The following MRO variants were observed in gnomAD, a reference collection of about 807,000 sequenced individuals.
MRO encodes the protein maestro.
Under a neutral mutation model 31.0 loss-of-function variants are expected in MRO, and 28 were observed. The ratio of observed to expected loss-of-function variants is 0.90; its 90% CI spans 0.67 to 1.24. MRO has a LOEUF of 1.24. MRO is among the 50% of genes most tolerant of loss of function. The pLI is 0.00. For synonymous variants in MRO, 108 were observed against 108.4 expected (o/e 1.00, Z 0.02); for missense variants, 332 against 289.2 (o/e 1.15, Z -1.07).
intron 2 of MRO, chr18:50,815,331 G>A (rs192387361): frequency 7.1e-5 from 19 of 268,838 alleles, no homozygotes; most frequent in South Asian, 5.0e-4. Flanking sequence ...AATTTTTGCC[G>A]TGGTGGGAAC....
At chr18:50,819,786 T>A in intron 1 of MRO, 84 bp from the exon 2 acceptor site, 4 of 1,544,958 alleles carry the variant, frequency 2.6e-6, no homozygotes, top group Non-Finnish European at 3.5e-6. Context: ...AAAGTGAGAA[T>A]CAAATAAGAG....
chr18:50,814,566 C>G (rs886342238), intron 2 of MRO: 1 of 208,054 alleles, frequency 4.8e-6, no homozygotes, highest in Admixed American at 4.2e-5. Flanking sequence ...TTGTGACTTA[C>G]GCTCATGCAG....
rs1913787598 is a variant in MRO at position 50,805,156 on chromosome 18, C to T, written c.427G>A (p.Asp143Asn). Residue 143 changes from aspartate to asparagine, a missense_variant and splice_region_variant, in exon 5 of 8, where the codon GAC (aspartate) becomes AAC (asparagine). Coordinates refer to ENST00000398439, the MANE Select transcript of MRO (RefSeq NM_031939.6). Reference sequence around the variant, plus strand: ...CAGAATTTTTCTGATTTACTTACGTCATCTAATAAAGTCCTGGTCTGAAGG... The same window carrying T: ...CAGAATTTTTCTGATTTACTTACGTTATCTAATAAAGTCCTGGTCTGAAGG... ...ITLQTRTLLD[D>N]ENDSLRYSAF... The T allele has an allele frequency of 1.2e-6, 2 of 1,609,010 alleles. No individual in the cohort carries two copies. Among genetic ancestry groups the T allele is most frequent in the Non-Finnish European group, 8.5e-7 (1 of 1,175,930 alleles).
In MRO at chr18:50,818,228, C is replaced by G. The variant is rs73434444; in HGVS notation, c.-5+1353G>C. Among the ~76,000 whole-genome samples the G allele has an allele frequency of 6.2e-3, 947 of 152,280 alleles. 17 individuals are homozygous for G. Among genetic ancestry groups the G allele is most frequent in the African/African-American group, 0.021 (887 of 41,552 alleles). ...CCCTCTCACCCGTAAGACAGGCATT[C>G]TTTCCTAGGAGAATTACATTTTCTG... On this transcript the variant is annotated intron_variant, in intron 2 of 7. Coordinates refer to ENST00000398439, the MANE Select transcript of MRO (RefSeq NM_031939.6).
upstream of MRO, chr18:50,824,138 T>C (rs1915412289): frequency 1.3e-5 from 2 of 152,112 alleles, no homozygotes; most frequent in South Asian, 4.2e-4. Flanking sequence ...ATAAGATAAA[T>C]GCAAATAATA....
intron 1 of MRO, 58 bp from the exon 2 acceptor site, chr18:50,819,760 C>A (rs895202859): frequency 6.5e-7 from 1 of 1,547,238 alleles, no homozygotes; most frequent in South Asian, 1.2e-5. Flanking sequence ...GATAACGGGT[C>A]GGCACAGAGT....
At chr18:50,799,975 G>T in intron 7 of MRO, 61 bp downstream of exon 7, 1 of 1,187,756 alleles carries the variant, frequency 8.4e-7, no homozygotes, top group Non-Finnish European at 1.2e-6. Context: ...GCCACCTTCC[G>T]TGTTAACCAC....
At chr18:50,822,900 G>A (rs919540158), upstream of MRO, among the ~76,000 whole-genome samples, 2 of 152,050 alleles carry the variant, frequency 1.3e-5, no homozygotes, top group African/African-American at 2.4e-5. Flanking sequence ...GCGCTCTCAA[G>A]GAGAATCAAC....
intron 3 of MRO, among the ~76,000 whole-genome samples, chr18:50,808,485 G>A (rs965052631): frequency 2.8e-5 from 4 of 142,650 alleles, no homozygotes; most frequent in African/African-American, 7.8e-5. Context: ...TTAAGACAGC[G>A]TCTCGCTCTG....
chr18:50,817,792 G>C (rs1915053281), intron 2 of MRO, among the ~76,000 whole-genome samples: 1 of 152,336 alleles, frequency 6.6e-6, no homozygotes, highest in Non-Finnish European at 1.5e-5. Flanking sequence ...ATATGTTTGT[G>C]AAGCACTTTG....
At chr18:50,800,703 G>A (rs574185075) in intron 6 of MRO, among the ~76,000 whole-genome samples, 4 of 152,202 alleles carry the variant, frequency 2.6e-5, no homozygotes, top group African/African-American at 9.6e-5. Context: ...TGGCCAGCAT[G>A]GTGAAATCCC....
intron 3 of MRO, among the ~76,000 whole-genome samples, chr18:50,808,371 G>T (rs12455429): frequency 0.43 from 65,424 of 151,900 alleles, 15,265 homozygotes; most frequent in Middle Eastern, 0.6. Flanking sequence ...AGCTATCTCA[G>T]TGGTGCTATG....
intron 2 of MRO, among the ~76,000 whole-genome samples, chr18:50,811,746 CTTTTTTTT>C (rs71171344): frequency 1.2e-5 from 1 of 80,100 alleles, no homozygotes; most frequent in African/African-American, 4.7e-5. Flanking sequence ...TGTGGTAATT[CTTTTTTTT>C]TTTTTTTTTT....
At chr18:50,808,113 A>T in intron 3 of MRO, among the ~76,000 whole-genome samples, 1 of 152,166 alleles carries the variant, frequency 6.6e-6, no homozygotes, top group South Asian at 2.1e-4. Context: ...ACAAACACAA[A>T]CACCAAACTC....
chr18:50,820,271 C>T (rs1233707862), upstream of MRO, among the ~76,000 whole-genome samples: 1 of 152,220 alleles, frequency 6.6e-6, no homozygotes, highest in Non-Finnish European at 1.5e-5. Flanking sequence ...GTTGACGTCC[C>T]TTCCTGCTCA....
At chr18:50,801,534 A>G in intron 5 of MRO, 30 bp from the exon 6 acceptor site, 1 of 1,558,736 alleles carries the variant, frequency 6.4e-7, no homozygotes, top group Non-Finnish European at 8.7e-7. Flanking sequence ...AACAATAAGA[A>G]AGCCAGATCA....
chr18:50,819,668 TG>T lies in MRO; in HGVS notation c.-93del. 5 of 1,551,174 alleles carry T rather than the reference TG, an allele frequency of 3.2e-6. No individual in the cohort carries two copies. Among genetic ancestry groups the T allele is most frequent in the Non-Finnish European group, 4.4e-6 (5 of 1,146,682 alleles). ...TGCTTTCCCGGGTAGTAGCCAAATGTGATGACTCGGCTAAATTTTCCCAGCC... is the reference window on the plus strand; with the variant it reads ...TGCTTTCCCGGGTAGTAGCCAAATGTATGACTCGGCTAAATTTTCCCAGCC... On this transcript the variant is annotated 5_prime_UTR_variant, in exon 2 of 8. Transcript: ENST00000398439.
intron 2 of MRO, among the ~76,000 whole-genome samples, chr18:50,813,243 T>C (rs143963389): frequency 3.5e-4 from 54 of 152,342 alleles, no homozygotes; most frequent in African/African-American, 1.1e-3. Context: ...CCAGGACCTA[T>C]ATCTCCTTCA....
intron 2 of MRO, among the ~76,000 whole-genome samples, chr18:50,811,672 A>G (rs1049026781): frequency 6.6e-6 from 1 of 152,040 alleles, no homozygotes; most frequent in East Asian, 1.9e-4. Context: ...ATATCTGTGC[A>G]CAACTATTTG....
Sources: allele counts gnomAD v4.1 joint callset (sites outside exome capture counted in the v4.1 genomes callset), GRCh38; gene constraint gnomAD v4.1.1; transcripts MANE v1.5; gene names NCBI Gene and HGNC (gene_info 2026-07-23, HGNC 2026-07-21).